Variants in TFEC observed in about 807,000 individuals in gnomAD.
The protein encoded by TFEC is class E basic helix-loop-helix protein 34.
A neutral mutation model predicts 41.6 loss-of-function variants in TFEC; 31 were observed. The ratio of observed to expected loss-of-function variants is 0.74; its 90% CI spans 0.56 to 1.01. TFEC has a LOEUF of 1.01. Among genes scored for constraint, TFEC ranks in the 50% least tolerant of loss-of-function variants. TFEC has a pLI of 0.00. For synonymous variants in TFEC, 143 were observed against 140.6 expected, an observed-to-expected ratio of 1.02 and a Z score of -0.12; for missense variants, 402 against 404.1, an observed-to-expected ratio of 0.99 and a Z score of 0.04.
intron 3 of TFEC, among the ~76,000 whole-genome samples, chr7:116,105,054 G>A (rs889231619): frequency 1.3e-5 from 2 of 151,942 alleles, no homozygotes; most frequent in Non-Finnish European, 2.9e-5. Flanking sequence ...TTTTGAATCC[G>A]ACCTCCATTC....
chr7:116,000,453 C>G (rs1272672579), intron 1 of TFEC, among the ~76,000 whole-genome samples: 1 of 151,924 alleles, frequency 6.6e-6, no homozygotes, highest in African/African-American at 2.4e-5. Context: ...AGCAATCAGA[C>G]AAGAGAAAGA....
chr7:115,951,841 A>G (rs1023023716), intron 5 of TFEC, among the ~76,000 whole-genome samples: 3 of 152,050 alleles, frequency 2.0e-5, no homozygotes, highest in Non-Finnish European at 2.9e-5. Context: ...TGTTCAACAT[A>G]CAATATATAT....
At chr7:115,943,520 C>T (rs879044464) in intron 6 of TFEC, among the ~76,000 whole-genome samples, 1 of 149,412 alleles carries the variant, frequency 6.7e-6, no homozygotes, top group Non-Finnish European at 1.5e-5. Context: ...ACACAATGAG[C>T]CTCCCTTCAA....
chr7:115,999,926 T>C (rs548680371), intron 1 of TFEC, among the ~76,000 whole-genome samples: 210 of 151,512 alleles, frequency 1.4e-3, no homozygotes, highest in Non-Finnish European at 2.7e-3. Flanking sequence ...ACTCAAACTT[T>C]CTGAAAAATA....
intron 3 of TFEC, among the ~76,000 whole-genome samples, chr7:116,063,680 A>G (rs1037079836): frequency 6.6e-6 from 1 of 152,202 alleles, no homozygotes; most frequent in Admixed American, 6.5e-5. Context: ...TTGTGGTGAC[A>G]GTTTCACAGG....
intron 3 of TFEC, among the ~76,000 whole-genome samples, chr7:116,079,860 C>G (rs910084052): frequency 1.3e-5 from 2 of 151,996 alleles, no homozygotes; most frequent in Non-Finnish European, 2.9e-5. Context: ...CTAAAAAGAG[C>G]CTGCATAAGC....
chr7:116,143,930 T>C (rs553312043), intron 1 of TFEC, among the ~76,000 whole-genome samples: 11 of 152,128 alleles, frequency 7.2e-5, no homozygotes, highest in Non-Finnish European at 1.2e-4. Context: ...TAAGAAAAGG[T>C]AGAGCCTCGC....
chr7:115,953,566 G>A (rs892605160), intron 5 of TFEC, among the ~76,000 whole-genome samples: 4 of 151,994 alleles, frequency 2.6e-5, no homozygotes, highest in Admixed American at 6.6e-5. Context: ...GTCAGTAATC[G>A]TTAAGTGGCT....
chr7:115,989,009 A>G (rs886326982), intron 1 of TFEC, among the ~76,000 whole-genome samples: 2 of 152,178 alleles, frequency 1.3e-5, no homozygotes, highest in Non-Finnish European at 2.9e-5. Context: ...AGGTTGTGAA[A>G]TTTCCCTTAA....
chr7:116,136,223 T>C (rs1798429729), intron 1 of TFEC, among the ~76,000 whole-genome samples: 1 of 152,054 alleles, frequency 6.6e-6, no homozygotes, highest in African/African-American at 2.4e-5. Context: ...GTAACGAATA[T>C]GACTTTTTAG....
In TFEC at chr7:115,940,230, T is replaced by C. The variant is rs1055056586; in HGVS notation, c.*321A>G. 4.8e-6 allele frequency: 1 copy of C among 206,280 alleles called. No homozygotes were observed. Among genetic ancestry groups the C allele is most frequent in the East Asian group, 1.2e-4 (1 of 8,516 alleles). The allele number at this position is 206,280 out of a possible 1,614,324, so 12.8% of individuals were successfully genotyped here. A position where few individuals can be genotyped will look rare whatever the true frequency, so the allele number is the denominator to read the frequency against. ...AACACTTTGCAGTCATTAGTTCCAG[T>C]AGTACACCACCAAGTTGCTGCTTTT... On this transcript the variant is annotated 3_prime_UTR_variant, in exon 8 of 8. Transcript: ENST00000265440.
At chr7:116,139,136 T>C (rs1403091526) in intron 1 of TFEC, among the ~76,000 whole-genome samples, 6 of 152,062 alleles carry the variant, frequency 3.9e-5, no homozygotes, top group Non-Finnish European at 8.8e-5. Flanking sequence ...TCCTACAAGG[T>C]GTCTCAAAAT....
At chr7:116,098,638 A>G (rs537103542) in intron 3 of TFEC, among the ~76,000 whole-genome samples, 12 of 152,292 alleles carry the variant, frequency 7.9e-5, no homozygotes, top group South Asian at 4.1e-4. Context: ...TTAATACCCT[A>G]TAACTGTTAA....
At chr7:115,977,290 G>C (rs1317504285) in intron 2 of TFEC, among the ~76,000 whole-genome samples, 1 of 152,014 alleles carries the variant, frequency 6.6e-6, no homozygotes, top group Non-Finnish European at 1.5e-5. Context: ...CAAAGAAAGA[G>C]CAAATTGCTT....
At chr7:116,145,559 C>T (rs1798625469) in intron 1 of TFEC, among the ~76,000 whole-genome samples, 1 of 152,160 alleles carries the variant, frequency 6.6e-6, no homozygotes, top group South Asian at 2.1e-4. Flanking sequence ...TCTTAGAAGC[C>T]AGAGTATTTC....
chr7:116,148,954 G>T (rs1483406794), intron 1 of TFEC, among the ~76,000 whole-genome samples: 1 of 151,360 alleles, frequency 6.6e-6, no homozygotes, highest in Non-Finnish European at 1.5e-5. Context: ...TAAGCGATCA[G>T]GGAGATAAGG....
chr7:116,066,559 T>C (rs137997289), intron 3 of TFEC, among the ~76,000 whole-genome samples: 2,066 of 152,096 alleles, frequency 0.014, 25 homozygotes, highest in Non-Finnish European at 0.021. Context: ...TCTTTGGGAG[T>C]AAAAATTTTC....
At position 115,989,897 on chromosome 7, in the gene TFEC, T is replaced by A. The variant is rs573491282; in HGVS notation, c.-72-5384A>T. Among the ~76,000 whole-genome samples, 87 of 152,190 alleles carry A rather than the reference T, an allele frequency of 5.7e-4. No individual in the cohort carries two copies. In the Middle Eastern group the frequency reaches 0.01, roughly 18 times the overall value. On this transcript the variant is annotated intron_variant, in intron 1 of 7. Transcript: ENST00000265440. Reference sequence around the variant, plus strand: ...GAGTAGTGGTTCTCCCAGCACGGAGTCTGAGATCTGAGAATGGACAGACTG... The same window carrying A: ...GAGTAGTGGTTCTCCCAGCACGGAGACTGAGATCTGAGAATGGACAGACTG...
intron 1 of TFEC, among the ~76,000 whole-genome samples, chr7:116,021,933 C>T (rs1476495443): frequency 2.6e-5 from 4 of 152,118 alleles, no homozygotes; most frequent in Admixed American, 6.5e-5. Context: ...AAGTTGTGAG[C>T]AACTAGTTTG....
Sources: allele counts gnomAD v4.1 joint callset (sites outside exome capture counted in the v4.1 genomes callset), GRCh38; gene constraint gnomAD v4.1.1; transcripts MANE v1.5; gene names NCBI Gene and HGNC (gene_info 2026-07-23, HGNC 2026-07-21).